The following MYO1B variants were observed in gnomAD, a reference collection of about 807,000 sequenced individuals.
MYO1B encodes the protein myosin IB.
A neutral mutation model predicts 159.7 loss-of-function variants in MYO1B; 72 were observed. The observed-to-expected ratio is 0.45, with a 90% CI of 0.37 to 0.55. The LOEUF (loss-of-function observed/expected upper bound fraction) is 0.55, where lower values mean the gene tolerates loss of function less well. Among genes scored for constraint, MYO1B ranks in the 20% least tolerant of loss-of-function variants. The pLI, the probability that MYO1B is intolerant of heterozygous loss-of-function variation, is 0.00. For missense variants in MYO1B, 1,062 were observed against 1,364.8 expected (o/e 0.78, Z 3.50); for synonymous variants, 468 against 473.8 (o/e 0.99, Z 0.16).
chr2:191,260,254 C>CTTTTTTTTTTTTTTTTTTTTTGTTTTTT (rs57237733), intron 1 of MYO1B, among the ~76,000 whole-genome samples: 1 of 60,962 alleles, frequency 1.6e-5, no homozygotes, highest in Non-Finnish European at 4.0e-5. Flanking sequence ...CCCAGATAGG[C>CTTTTTTTTTTTTTTTTTTTTTGTTTTTT]TTTTTTTTTT....
chr2:191,346,220 G>A lies in MYO1B; in HGVS notation c.452-16G>A. On this transcript the variant is annotated splice_polypyrimidine_tract_variant and intron_variant, in intron 5 of 30. Coordinates refer to ENST00000392318, the MANE Select transcript of MYO1B (RefSeq NM_001130158.3). The stretch of plus-strand genomic sequence containing the variant: ...TTATTATTTTTTTAACCATACATCT[G>A]TTTCTTTCCTACTAGCTTTTGGAAA... 6.5e-7 allele frequency: 1 copy of A among 1,548,482 alleles called. No homozygotes were observed. The highest frequency in any genetic ancestry group is 8.7e-7 in the Non-Finnish European group (1 of 1,142,984).
At chr2:191,254,456 C>T (rs370485288) in intron 1 of MYO1B, among the ~76,000 whole-genome samples, 2 of 151,870 alleles carry the variant, frequency 1.3e-5, no homozygotes, top group East Asian at 3.9e-4. Flanking sequence ...GTGATCCACC[C>T]ACCTTGGCCT....
chr2:191,410,941 T>A, intron 26 of MYO1B, 125 bp from the exon 27 acceptor site: 2 of 583,396 alleles, frequency 3.4e-6, no homozygotes, highest in South Asian at 3.2e-5. Context: ...TTGGCCTTTT[T>A]TAGTGAATGT....
chr2:191,403,528 C>T, intron 24 of MYO1B, among the ~76,000 whole-genome samples: 1 of 152,110 alleles, frequency 6.6e-6, no homozygotes, highest in Middle Eastern at 3.2e-3. Context: ...TATTCCTTAT[C>T]ATTGTTTTTA....
chr2:191,301,132 A>C (rs985329982), intron 3 of MYO1B, among the ~76,000 whole-genome samples: 2 of 152,226 alleles, frequency 1.3e-5, no homozygotes, highest in African/African-American at 4.8e-5. Flanking sequence ...GGCATCCCCA[A>C]GGAAATGTGG....
intron 1 of MYO1B, among the ~76,000 whole-genome samples, chr2:191,273,933 G>A (rs1687605357): frequency 1.3e-5 from 2 of 152,270 alleles, no homozygotes; most frequent in South Asian, 4.2e-4. Flanking sequence ...CCTTTTGGTG[G>A]AGCAAATACA....
chr2:191,284,219 T>C (rs938276878), intron 2 of MYO1B, among the ~76,000 whole-genome samples: 1 of 152,236 alleles, frequency 6.6e-6, no homozygotes, highest in African/African-American at 2.4e-5. Context: ...GTTAATTCTG[T>C]GGCCAGTTCA....
At chr2:191,275,470 G>A (rs1225860844) in intron 1 of MYO1B, among the ~76,000 whole-genome samples, 1 of 152,006 alleles carries the variant, frequency 6.6e-6, no homozygotes, top group Non-Finnish European at 1.5e-5. Context: ...TTAATTACTA[G>A]CCCTTCCTAG....
At position 191,393,073 on chromosome 2, in the gene MYO1B, T is replaced by A; in HGVS notation, c.2077T>A (p.Leu693Ile). The change falls in exon 20 of 31, where the codon TTA (leucine) becomes ATA (isoleucine). Residue 693 changes from leucine (L) to isoleucine (I), a missense_variant and splice_region_variant. Physicochemically the swap from Leu to Ile is conservative, Grantham distance 5. Coordinates refer to ENST00000392318, the MANE Select transcript of MYO1B (RefSeq NM_001130158.3). ...AAGTCCATCTATCATTTCTTATTAGTTATTCAAATTAGAAGACCTGAGGAA... is the reference window on the plus strand; with the variant it reads ...AAGTCCATCTATCATTTCTTATTAGATATTCAAATTAGAAGACCTGAGGAA... Reference protein sequence around the residue: ...SKIFIRNPRTLFKLEDLRKQR... With the variant: ...SKIFIRNPRTIFKLEDLRKQR... 1 of 1,612,760 alleles carries A rather than the reference T, an allele frequency of 6.2e-7. No individual in the cohort carries two copies. The highest frequency in any genetic ancestry group is 8.5e-7 in the Non-Finnish European group (1 of 1,179,230).
At chr2:191,261,182 G>T (rs949797556) in intron 1 of MYO1B, among the ~76,000 whole-genome samples, 1 of 152,182 alleles carries the variant, frequency 6.6e-6, no homozygotes, top group Non-Finnish European at 1.5e-5. Context: ...AGACCTGACT[G>T]TGTTAATTCC....
intron 14 of MYO1B, among the ~76,000 whole-genome samples, chr2:191,382,351 C>A (rs1178479151): frequency 1.3e-5 from 2 of 152,000 alleles, no homozygotes; most frequent in African/African-American, 2.4e-5. Flanking sequence ...TGATTGTTAT[C>A]CCCAGTGGCT....
At chr2:191,421,119 G>T (rs1375334920) in intron 30 of MYO1B, among the ~76,000 whole-genome samples, 1 of 148,222 alleles carries the variant, frequency 6.7e-6, no homozygotes, top group Non-Finnish European at 1.5e-5. Flanking sequence ...GCCTAGGCTC[G>T]AGTGCAGTGG....
intron 18 of MYO1B, 65 bp from the exon 19 acceptor site, chr2:191,392,043 A>C: frequency 8.3e-7 from 1 of 1,202,664 alleles, no homozygotes; most frequent in Non-Finnish European, 1.2e-6. Flanking sequence ...ACCTGATACC[A>C]TGATAGAAGA....
intron 27 of MYO1B, among the ~76,000 whole-genome samples, 177 bp from the exon 28 acceptor site, chr2:191,413,871 T>A (rs1201048663): frequency 6.6e-6 from 1 of 152,220 alleles, no homozygotes; most frequent in Non-Finnish European, 1.5e-5. Flanking sequence ...GAAATAGGTT[T>A]AAGGTTTCAT....
intron 21 of MYO1B, among the ~76,000 whole-genome samples, chr2:191,399,057 A>G (rs921498913): frequency 2.6e-5 from 4 of 152,174 alleles, no homozygotes; most frequent in Non-Finnish European, 4.4e-5. Context: ...CGCGGTTAGG[A>G]GCTGGAGACC....
intron 5 of MYO1B, 54 bp downstream of exon 5, chr2:191,341,619 A>T (rs534205008): frequency 2.8e-6 from 4 of 1,432,966 alleles, no homozygotes; most frequent in South Asian, 1.2e-5. Context: ...AGATTGAGTT[A>T]TGTGGGTGCT....
chr2:191,275,641 G>A (rs1687706486), intron 1 of MYO1B, among the ~76,000 whole-genome samples: 1 of 152,118 alleles, frequency 6.6e-6, no homozygotes, highest in Non-Finnish European at 1.5e-5. Context: ...CTCCTTAATA[G>A]GAAGAATCAA....
intron 2 of MYO1B, among the ~76,000 whole-genome samples, chr2:191,279,081 C>T (rs1687907219): frequency 6.6e-6 from 1 of 152,200 alleles, no homozygotes; most frequent in African/African-American, 2.4e-5. Context: ...GACGAAATGT[C>T]TGGATTTCAG....
At chr2:191,389,136 CCATTT>C (rs1695586290) in intron 17 of MYO1B, among the ~76,000 whole-genome samples, 1 of 152,108 alleles carries the variant, frequency 6.6e-6, no homozygotes, top group Admixed American at 6.6e-5. Flanking sequence ...CTAGGCCATT[CCATTT>C]ATCTATTTGT....
Sources: allele counts gnomAD v4.1 joint callset (sites outside exome capture counted in the v4.1 genomes callset), GRCh38; gene constraint gnomAD v4.1.1; transcripts MANE v1.5; gene names NCBI Gene and HGNC (gene_info 2026-07-23, HGNC 2026-07-21).